EYS: variants seen among roughly 807,000 people sequenced by gnomAD.
EYS encodes EGF-like photoreceptor maintenance factor.
EYS carries 250 observed loss-of-function variants against 282.1 expected under a neutral mutation model. The observed-to-expected ratio is 0.89, with a 90% CI of 0.80 to 0.98. The LOEUF is 0.98. EYS is among the 50% of genes least tolerant of loss of function. The pLI, the probability that EYS is intolerant of heterozygous loss-of-function variation, is 0.00. For synonymous variants in EYS, 1,355 were observed against 1,282.9 expected (o/e 1.06, Z -1.20); for missense variants, 4,016 against 3,709.0 (o/e 1.08, Z -2.15).
chr6:65,075,770 G>A (rs1382446328), intron 12 of EYS, among the ~76,000 whole-genome samples: 1 of 151,850 alleles, frequency 6.6e-6, no homozygotes, highest in Non-Finnish European at 1.5e-5. Flanking sequence ...AGCAACTCTT[G>A]GAGAATTGTT....
At chr6:65,605,455 T>G (rs1765753827) in intron 2 of EYS, among the ~76,000 whole-genome samples, 1 of 151,978 alleles carries the variant, frequency 6.6e-6, no homozygotes, top group South Asian at 2.1e-4. Flanking sequence ...TCCACGTGCA[T>G]ATAAATTTGT....
chr6:64,208,103 T>A (rs890490738), intron 31 of EYS, among the ~76,000 whole-genome samples: 1 of 152,210 alleles, frequency 6.6e-6, no homozygotes, highest in Non-Finnish European at 1.5e-5. Flanking sequence ...AATAATTTAT[T>A]CTCACCTAGC....
intron 19 of EYS, among the ~76,000 whole-genome samples, chr6:64,851,023 C>T (rs1362052987): frequency 6.6e-6 from 1 of 151,978 alleles, no homozygotes; most frequent in Non-Finnish European, 1.5e-5. Context: ...AACTTGTGTA[C>T]ATTGTGGTGG....
In EYS at chr6:65,565,244, CAAAAAAAAAAAAAAAAA is replaced by C. The variant is rs765596305; in HGVS notation, c.-332-69268_-332-69252del. Among the ~76,000 whole-genome samples the C allele has an allele frequency of 2.5e-3, 4 of 1,618 alleles. 2 individuals are homozygous for C. In the East Asian group the frequency reaches 0.22, roughly 90 times the overall value. The allele number at this position is 1,618 out of a possible 152,430, so 1.1% of individuals were successfully genotyped here. On this transcript the variant is annotated intron_variant, in intron 2 of 42. Transcript: ENST00000503581. ...TGGGCGACAGAGCGAGACTCCGTCT[CAAAAAAAAAAAAAAAAA>C]AAAAAAAAAAAAAAAAGTGGGTGAA...
At chr6:64,612,889 G>C (rs925188607) in intron 24 of EYS, among the ~76,000 whole-genome samples, 29 of 152,022 alleles carry the variant, frequency 1.9e-4, no homozygotes, top group Non-Finnish European at 2.9e-5. Context: ...GGAAAAAAGT[G>C]CCATTTTTCT....
At position 63,927,822 on chromosome 6, in the gene EYS, G is replaced by A. The variant is rs142350661; in HGVS notation, c.7055+56561C>T. ...AATGAACATAGGATGGCTGTGTTAG[G>A]TAGCTTGGAGGTAGTGGTGAAGGAA... On this transcript the variant is annotated intron_variant, in intron 35 of 42. Coordinates refer to ENST00000503581, the MANE Select transcript of EYS (RefSeq NM_001142800.2). Among the ~76,000 whole-genome samples, 377 of 152,330 alleles carry A rather than the reference G, an allele frequency of 2.5e-3. 4 individuals carry two copies. The highest frequency in any genetic ancestry group is 0.021 in the Admixed American group (319 of 15,302).
intron 15 of EYS, among the ~76,000 whole-genome samples, chr6:64,945,208 G>C (rs1769245149): frequency 6.7e-6 from 1 of 149,710 alleles, no homozygotes; most frequent in Admixed American, 6.7e-5. Context: ...AATCTATAAG[G>C]AACTTATTCA....
chr6:63,884,454 G>A (rs1392917450), intron 35 of EYS, among the ~76,000 whole-genome samples: 2 of 152,112 alleles, frequency 1.3e-5, no homozygotes, highest in African/African-American at 4.8e-5. Context: ...AGAGCCTCCT[G>A]GGGTGCTGAA....
chr6:63,950,565 G>A (rs182201263), intron 35 of EYS, among the ~76,000 whole-genome samples: 2 of 152,216 alleles, frequency 1.3e-5, no homozygotes, highest in African/African-American at 4.8e-5. Flanking sequence ...AGCCTGTTTG[G>A]TGGTCTCTTC....
chr6:64,456,145 G>T (rs556554360), intron 26 of EYS, among the ~76,000 whole-genome samples: 7 of 152,132 alleles, frequency 4.6e-5, no homozygotes, highest in African/African-American at 1.7e-4. Flanking sequence ...ACACAAATTT[G>T]TGTAAGAGTT....
At chr6:64,753,292 T>A (rs1467820844) in intron 22 of EYS, among the ~76,000 whole-genome samples, 1 of 152,068 alleles carries the variant, frequency 6.6e-6, no homozygotes, top group Admixed American at 6.5e-5. Context: ...AGATAGAGAT[T>A]GGTGTAATGG....
chr6:63,829,525 A>C (rs1395556039), intron 36 of EYS, among the ~76,000 whole-genome samples: 1 of 152,192 alleles, frequency 6.6e-6, no homozygotes, highest in Non-Finnish European at 1.5e-5. Context: ...AGGGGCGTCC[A>C]CCATTGCTGA....
At chr6:64,912,978 T>C (rs1476218988) in intron 15 of EYS, among the ~76,000 whole-genome samples, 1 of 152,080 alleles carries the variant, frequency 6.6e-6, no homozygotes, top group Admixed American at 6.6e-5. Context: ...CATTAACAAA[T>C]TTCTAACATA....
At chr6:64,423,382 A>C (rs1774297465) in intron 28 of EYS, among the ~76,000 whole-genome samples, 1 of 152,224 alleles carries the variant, frequency 6.6e-6, no homozygotes, top group Non-Finnish European at 1.5e-5. Context: ...AGCCAGCTAA[A>C]CATTTTAACT....
intron 28 of EYS, among the ~76,000 whole-genome samples, chr6:64,424,770 G>C (rs771364065): frequency 3.3e-5 from 5 of 152,164 alleles, no homozygotes; most frequent in Non-Finnish European, 7.3e-5. Flanking sequence ...CCGGGAAGAA[G>C]ACAGAGAAAT....
intron 35 of EYS, among the ~76,000 whole-genome samples, chr6:63,900,102 A>G (rs1773623543): frequency 1.3e-5 from 2 of 152,100 alleles, no homozygotes; most frequent in South Asian, 4.1e-4. Context: ...ATGAAGTCAA[A>G]CCTGTTTAGA....
At chr6:64,197,681 T>A (rs1765332339) in intron 31 of EYS, among the ~76,000 whole-genome samples, 1 of 151,994 alleles carries the variant, frequency 6.6e-6, no homozygotes, top group Non-Finnish European at 1.5e-5. Flanking sequence ...CATATTAAAA[T>A]ATATATATTG....
At chr6:64,512,995 T>C (rs1255527654) in intron 26 of EYS, among the ~76,000 whole-genome samples, 2 of 151,806 alleles carry the variant, frequency 1.3e-5, no homozygotes, top group African/African-American at 4.8e-5. Flanking sequence ...CTGTGTTGCA[T>C]TGATTTTACT....
intron 2 of EYS, among the ~76,000 whole-genome samples, chr6:65,607,326 T>C (rs749877940): frequency 2.0e-5 from 3 of 151,836 alleles, no homozygotes; most frequent in South Asian, 2.1e-4. Context: ...AAAAAAATAC[T>C]GTCACATCTG....
Sources: gnomAD v4.1 joint callset for allele counts (sites outside exome capture counted in the v4.1 genomes callset) on GRCh38, gnomAD v4.1.1 for gene constraint, MANE v1.5 for transcripts, NCBI Gene and HGNC (gene_info 2026-07-23, HGNC 2026-07-21) for gene names.